The following PARG variants were observed in gnomAD, a reference collection of about 807,000 sequenced individuals.
PARG encodes the protein poly(ADP-ribose) glycohydrolase.
PARG carries 35 observed loss-of-function variants against 113.0 expected under a neutral mutation model. That is an observed-to-expected ratio of 0.31 (90% confidence interval 0.24 to 0.41). The LOEUF (loss-of-function observed/expected upper bound fraction) is 0.41. Ranked by LOEUF, PARG falls within the 10% of genes least tolerant of loss-of-function variation. The pLI is 1.00. For missense variants in PARG, 797 were observed against 1,169.4 expected (o/e 0.68, Z 4.64); for synonymous variants, 330 against 409.9 (o/e 0.81, Z 2.36).
At chr10:49,920,574 GTA>G (rs532293002) in intron 6 of PARG, among the ~76,000 whole-genome samples, 5 of 130,378 alleles carry the variant, frequency 3.8e-5, no homozygotes, top group African/African-American at 5.8e-5. Flanking sequence ...ATATATACGT[GTA>G]TATATATACA....
At chr10:49,922,239 T>G (rs1837915011) in intron 6 of PARG, 97 bp downstream of exon 6, 1 of 1,294,236 alleles carries the variant, frequency 7.7e-7, no homozygotes, top group African/African-American at 1.5e-5. Context: ...ATTTTGCATC[T>G]AAACAATGTT....
At chr10:49,906,651 A>T (rs1340263521) in intron 7 of PARG, among the ~76,000 whole-genome samples, 1 of 152,000 alleles carries the variant, frequency 6.6e-6, no homozygotes, top group African/African-American at 2.4e-5. Flanking sequence ...CTAACTCATG[A>T]GGTGGTTGTT....
intron 10 of PARG, among the ~76,000 whole-genome samples, chr10:49,868,267 G>A (rs1477713947): frequency 2.0e-5 from 3 of 152,190 alleles, no homozygotes; most frequent in Non-Finnish European, 2.9e-5. Flanking sequence ...GATTACAGGC[G>A]TGAGCCACCG....
rs1251326261 is a variant in PARG at position 49,933,705 on chromosome 10, G to C, written c.743C>G (p.Ala248Gly). Residue 248 changes from alanine (A) to glycine (G), a missense_variant, in exon 3 of 18, where the codon GCA (alanine) becomes GGA (glycine). Ala to Gly is a moderately conservative substitution (Grantham distance 60). Transcript: ENST00000616448. ...SKSCDPGEDC[A>G]SCQQDEIDVV... Reference sequence around the variant, plus strand: ...ATCTATCTCATCTTGCTGACAACTTGCACAGTCTTCCCCAGGATCGCAAGA... The same window carrying C: ...ATCTATCTCATCTTGCTGACAACTTCCACAGTCTTCCCCAGGATCGCAAGA... 3.1e-6 allele frequency: 5 copies of C among 1,611,134 alleles called. No homozygotes were observed. The African/African-American group carries it at 6.7e-5, about 22-fold the overall frequency.
chr10:49,931,169 C>T (rs1219957848), intron 4 of PARG, among the ~76,000 whole-genome samples: 2 of 151,570 alleles, frequency 1.3e-5, no homozygotes, highest in African/African-American at 2.4e-5. Context: ...TCCCATAGCC[C>T]TCGTTATAGT....
intron 7 of PARG, among the ~76,000 whole-genome samples, chr10:49,911,392 G>A (rs1250992434): frequency 6.6e-6 from 1 of 152,032 alleles, no homozygotes; most frequent in Non-Finnish European, 1.5e-5. Context: ...AAAATGCCAG[G>A]AGTAAGTATA....
At chr10:49,831,774 A>ACC (rs1844678452) in intron 16 of PARG, among the ~76,000 whole-genome samples, 1 of 152,130 alleles carries the variant, frequency 6.6e-6, no homozygotes, top group East Asian at 1.9e-4. Context: ...TTTATAATAA[A>ACC]ACTGCAGTGG....
At chr10:49,852,210 C>T (rs1845790703) in intron 13 of PARG, among the ~76,000 whole-genome samples, 2 of 152,126 alleles carry the variant, frequency 1.3e-5, no homozygotes, top group South Asian at 4.1e-4. Flanking sequence ...ATTAAGGTAA[C>T]ATCACATCAC....
intron 14 of PARG, 106 bp from the exon 15 acceptor site, chr10:49,842,164 A>C: frequency 1.4e-6 from 1 of 731,612 alleles, no homozygotes; most frequent in Non-Finnish European, 2.3e-6. Context: ...TAAAATATTA[A>C]AAACAAACCA....
Position 49,836,816 on chromosome 10 carries a change from A to G in PARG, c.2542-3908T>C, listed in dbSNP as rs139225502. ...AACAAAAACATCAATAAACAGATCA[A>G]TTTTTAAAAAGGTAAATAGGGATGA... On this transcript the variant is annotated intron_variant, in intron 15 of 17. Transcript: ENST00000616448. Among the ~76,000 whole-genome samples the G allele has an allele frequency of 4.1e-3, 619 of 152,294 alleles. 6 individuals carry two copies. The highest frequency in any genetic ancestry group is 0.014 in the African/African-American group (598 of 41,578).
At chr10:49,880,758 C>A (rs1320609990) in intron 8 of PARG, among the ~76,000 whole-genome samples, 3 of 152,108 alleles carry the variant, frequency 2.0e-5, no homozygotes, top group African/African-American at 7.2e-5. Context: ...AAGTGACCAG[C>A]ATTAACAAGA....
rs1554839091 is a variant in PARG, at chr10:49,879,818, G to A, written c.1843C>T (p.Leu615=). The change falls in exon 9 of 18, where the codon CTG becomes TTG. Residue 615 remains leucine, a synonymous_variant. Transcript: ENST00000616448. The part of the protein sequence containing the change: ...PNICTQPIPL[L]KQKMNHSITM... Reference sequence around the variant, plus strand: ...ATGGAATGATTCATCTTCTGTTTCAGGAGTGGTATTGGCTGATAAAAGAAA... The same window carrying A: ...ATGGAATGATTCATCTTCTGTTTCAAGAGTGGTATTGGCTGATAAAAGAAA... 8.8e-7 allele frequency: 1 copy of A among 1,138,600 alleles called. No individual in the cohort carries two copies. Among genetic ancestry groups the A allele is most frequent in the Non-Finnish European group, 1.3e-6 (1 of 766,972 alleles). 70.5% of individuals were successfully genotyped at this position (1,138,600 alleles called of 1,614,324 possible).
intron 13 of PARG, among the ~76,000 whole-genome samples, chr10:49,843,957 C>T (rs1274540324): frequency 6.6e-6 from 1 of 151,830 alleles, no homozygotes; most frequent in Non-Finnish European, 1.5e-5. Context: ...CCAGCCTGGC[C>T]AACATGGTGA....
Position 49,933,849 on chromosome 10 carries a change from T to G in PARG, c.599A>C (p.Asp200Ala). ...TTGATTGTCTCTATTCTCTTCACTA[T>G]CTGTGTCACTGTGATCATCATTTTG... is the stretch of plus-strand genomic sequence containing the variant. ...SPQNDDHSDTDSEENRDNQQF... is the reference protein window; with the variant it reads ...SPQNDDHSDTASEENRDNQQF... Residue 200 changes from aspartate to alanine, a missense_variant, in exon 3 of 18, where the codon GAT (aspartate) becomes GCT (alanine). By Grantham distance (126) the Asp-to-Ala change is moderately radical. Around this residue, in one of 5 missense-constraint regions of PARG, gnomAD observed 284 missense variants for 306.1 expected, o/e 0.93. Transcript: ENST00000616448. 6.3e-7 allele frequency: 1 copy of G among 1,599,084 alleles called. No individual in the cohort carries two copies. Among genetic ancestry groups the G allele is most frequent in the Non-Finnish European group, 8.6e-7 (1 of 1,166,304 alleles).
intron 7 of PARG, among the ~76,000 whole-genome samples, chr10:49,910,541 TTTG>T (rs1376639311): frequency 2.0e-5 from 3 of 151,984 alleles, no homozygotes; most frequent in Admixed American, 6.6e-5. Flanking sequence ...ACCACTTCAT[TTTG>T]TTATTTATGA....
At chr10:49,822,045 G>C (rs969480648) in intron 16 of PARG, among the ~76,000 whole-genome samples, 7 of 152,128 alleles carry the variant, frequency 4.6e-5, no homozygotes, top group African/African-American at 1.7e-4. Context: ...AAACTATTTT[G>C]AATTGTATTA....
At chr10:49,831,572 T>C (rs1844665243) in intron 16 of PARG, among the ~76,000 whole-genome samples, 1 of 152,196 alleles carries the variant, frequency 6.6e-6, no homozygotes, top group African/African-American at 2.4e-5. Flanking sequence ...CCGAGCTCAA[T>C]CATGTGGCCA....
chr10:49,936,915 G>A (rs1365949195), intron 1 of PARG, among the ~76,000 whole-genome samples: 3 of 152,202 alleles, frequency 2.0e-5, no homozygotes, highest in Admixed American at 2.0e-4. Context: ...TTATAATCCA[G>A]CTAGTAAAAA....
intron 16 of PARG, among the ~76,000 whole-genome samples, chr10:49,830,624 T>C (rs1554830143): frequency 6.6e-6 from 1 of 152,076 alleles, no homozygotes; most frequent in Non-Finnish European, 1.5e-5. Flanking sequence ...CCCAAAGAGA[T>C]GAATGGGCAG....
Sources: gnomAD v4.1 joint callset for allele counts (sites outside exome capture counted in the v4.1 genomes callset) on GRCh38, gnomAD v4.1.1 for gene constraint, gnomAD v4.1.1 regional missense constraint, MANE v1.5 for transcripts, NCBI Gene and HGNC (gene_info 2026-07-23, HGNC 2026-07-21) for gene names.